The following FOCAD variants were observed in gnomAD, a reference collection of about 807,000 sequenced individuals.
The protein encoded by FOCAD is KIAA1797.
In FOCAD, 198 loss-of-function variants were observed where a neutral mutation model predicts 225.6. The observed-to-expected ratio is 0.88, with a 90% CI of 0.78 to 0.99. The LOEUF (loss-of-function observed/expected upper bound fraction) is 0.99, where lower values mean the gene tolerates loss of function less well. Ranked by LOEUF, FOCAD falls within the 50% of genes least tolerant of loss-of-function variation. The probability of loss-of-function intolerance (pLI) is 0.00; values close to 1 mark genes in which losing one functional copy is unlikely to be tolerated. For synonymous variants in FOCAD, 897 were observed against 755.0 expected (o/e 1.19, Z -3.08); for missense variants, 2,713 against 2,123.6 (o/e 1.28, Z -5.46).
intron 11 of FOCAD, among the ~76,000 whole-genome samples, chr9:20,805,533 A>C (rs115885884): frequency 0.013 from 1,974 of 151,914 alleles, 55 homozygotes; most frequent in African/African-American, 0.045. Context: ...TTTTTTTGTT[A>C]ATTTTCAGGT....
intron 28 of FOCAD, among the ~76,000 whole-genome samples, chr9:20,939,008 G>A (rs1836334500): frequency 3.3e-5 from 5 of 151,322 alleles, no homozygotes; most frequent in Non-Finnish European, 7.4e-5. Context: ...AAATTAGCAG[G>A]GCGTGGTTGC....
intron 26 of FOCAD, 45 bp downstream of exon 26, chr9:20,926,462 C>A (rs758608532): frequency 8.3e-7 from 1 of 1,209,960 alleles, no homozygotes; most frequent in Non-Finnish European, 1.2e-6. Context: ...CAAGAATTGA[C>A]TCTTATGACA....
At chr9:20,742,137 A>G (rs1235888922) in intron 5 of FOCAD, among the ~76,000 whole-genome samples, 1 of 152,194 alleles carries the variant, frequency 6.6e-6, no homozygotes, top group East Asian at 1.9e-4. Flanking sequence ...CTCTCAGGGA[A>G]GTATTTTTAG....
chr9:20,952,954 T>C, intron 34 of FOCAD, 31 bp from the exon 35 acceptor site: 1 of 1,567,924 alleles, frequency 6.4e-7, no homozygotes, highest in East Asian at 2.2e-5. Flanking sequence ...CCAAGTTCAC[T>C]GGTTAATTTG....
chr9:20,981,274 C>T (rs1467592674), intron 37 of FOCAD, 152 bp from the exon 38 acceptor site: 5 of 876,818 alleles, frequency 5.7e-6, no homozygotes, highest in Non-Finnish European at 8.8e-6. Flanking sequence ...GCCCATTGGA[C>T]CGTGAAGCTG....
intron 21 of FOCAD, among the ~76,000 whole-genome samples, chr9:20,898,776 T>C (rs1427019763): frequency 6.6e-6 from 1 of 151,946 alleles, no homozygotes; most frequent in African/African-American, 2.4e-5. Flanking sequence ...TTAGTCTTCC[T>C]TGTAGTTGTC....
chr9:20,878,685 G>T (rs573667257), intron 19 of FOCAD, among the ~76,000 whole-genome samples: 3 of 152,200 alleles, frequency 2.0e-5, no homozygotes, highest in East Asian at 3.9e-4. Context: ...ATATATGAGG[G>T]GACCGATTAG....
At chr9:20,888,257 G>T (rs1443042529) in intron 21 of FOCAD, among the ~76,000 whole-genome samples, 1 of 149,992 alleles carries the variant, frequency 6.7e-6, no homozygotes, top group Non-Finnish European at 1.5e-5. Context: ...TCCCACCTCA[G>T]TCTCCTAAAT....
At position 20,976,346 on chromosome 9, in the gene FOCAD, A is replaced by G; in HGVS notation, c.4133-74A>G. ...GATCCTTTGATGCTAGAAGGAAAGA[A>G]GGAATTGTTGGCATTTTCCACTTCC... On this transcript the variant is annotated intron_variant, in intron 35 of 43. Transcript: ENST00000338382. 3 of 1,398,252 alleles carry G rather than the reference A, an allele frequency of 2.1e-6. No homozygotes were observed. The South Asian group carries it at 3.7e-5, about 17-fold the overall frequency. 86.6% of individuals were successfully genotyped at this position (1,398,252 alleles called of 1,614,324 possible). A position where few individuals can be genotyped will look rare whatever the true frequency, so the allele number is the denominator to read the frequency against.
intron 21 of FOCAD, among the ~76,000 whole-genome samples, chr9:20,901,222 G>A (rs1271551281): frequency 6.6e-6 from 1 of 151,318 alleles, no homozygotes; most frequent in African/African-American, 2.4e-5. Flanking sequence ...GTGTGTGTGT[G>A]TGTGTGTGTG....
At chr9:20,917,346 A>G in intron 24 of FOCAD, among the ~76,000 whole-genome samples, 1 of 152,204 alleles carries the variant, frequency 6.6e-6, no homozygotes, top group Non-Finnish European at 1.5e-5. Context: ...GGTTCCGCAT[A>G]TCTAAAAATT....
intron 11 of FOCAD, among the ~76,000 whole-genome samples, chr9:20,796,262 C>T (rs924104975): frequency 6.6e-6 from 1 of 152,146 alleles, no homozygotes; most frequent in Non-Finnish European, 1.5e-5. Flanking sequence ...GTAAATAGTG[C>T]CACAATAAAC....
intron 22 of FOCAD, among the ~76,000 whole-genome samples, chr9:20,912,121 T>G (rs1833487480): frequency 6.6e-6 from 1 of 152,124 alleles, no homozygotes; most frequent in Non-Finnish European, 1.5e-5. Flanking sequence ...TGATAATGGT[T>G]GGGCATTACA....
At position 20,929,471 on chromosome 9, in the gene FOCAD, A is replaced by C. The variant is rs1835266260; in HGVS notation, c.3192A>C (p.Glu1064Asp). 1.9e-6 allele frequency: 3 copies of C among 1,614,140 alleles called. No homozygotes were observed. In the African/African-American group the frequency reaches 4.0e-5, roughly 22 times the overall value. ...FIISCKEKVE[E>D]ILNMLTARLP... is the part of the protein sequence containing the mutation. ...TCTCTTGCAAAGAGAAGGTTGAGGA[A>C]ATCCTGAACATGCTGACTGCCAGGT... is the stretch of plus-strand genomic sequence containing the variant. The change falls in exon 27 of 44, where the codon GAA becomes GAC. Residue 1064 changes from glutamate to aspartate, a missense_variant. Physicochemically the swap from Glu to Asp is conservative, Grantham distance 45. Coordinates refer to ENST00000338382, the MANE Select transcript of FOCAD (RefSeq NM_001375567.1).
chr9:20,722,533 G>A (rs1405759755), intron 4 of FOCAD, among the ~76,000 whole-genome samples: 1 of 152,116 alleles, frequency 6.6e-6, no homozygotes, highest in African/African-American at 2.4e-5. Context: ...CCTGTATTTT[G>A]GTATCTGGCA....
chr9:20,944,781 G>C lies in FOCAD; in HGVS notation c.3555+7G>C, dbSNP rs1457320747. On this transcript the variant is annotated splice_region_variant and intron_variant, in intron 29 of 43. Coordinates refer to ENST00000338382, the MANE Select transcript of FOCAD (RefSeq NM_001375567.1). ...GAGCAGAACGTTTCAGGAGGTAAGA[G>C]ATGGAGGCTACATTTTTTTCCCCTC... 1 of 1,605,116 alleles carries C rather than the reference G, an allele frequency of 6.2e-7. No individual in the cohort carries two copies. The highest frequency in any genetic ancestry group is 1.3e-5 in the African/African-American group (1 of 74,770).
chr9:20,800,677 G>C (rs970810759), intron 11 of FOCAD, among the ~76,000 whole-genome samples: 4 of 151,938 alleles, frequency 2.6e-5, no homozygotes, highest in African/African-American at 7.2e-5. Flanking sequence ...AATAGTTCTC[G>C]TGCCGTGGTT....
intron 5 of FOCAD, among the ~76,000 whole-genome samples, chr9:20,754,196 C>T (rs1240996519): frequency 6.6e-6 from 1 of 152,086 alleles, no homozygotes; most frequent in African/African-American, 2.4e-5. Context: ...AAAGAAAAAT[C>T]TTGAGTAATC....
chr9:20,872,684 T>C (rs1402906520), intron 18 of FOCAD: 1 of 152,028 alleles, frequency 6.6e-6, no homozygotes, highest in Non-Finnish European at 1.5e-5. Context: ...CTGTACAACT[T>C]ACCCTTTAAA....
Sources: allele counts gnomAD v4.1 joint callset (sites outside exome capture counted in the v4.1 genomes callset), GRCh38; gene constraint gnomAD v4.1.1; transcripts MANE v1.5; gene names NCBI Gene and HGNC (gene_info 2026-07-23, HGNC 2026-07-21).